Variants in NELL2 observed in about 807,000 individuals in gnomAD.
NELL2 encodes the protein protein kinase C-binding protein NELL2.
A neutral mutation model predicts 109.6 loss-of-function variants in NELL2; 41 were observed. The ratio of observed to expected loss-of-function variants is 0.37; its 90% confidence interval spans 0.29 to 0.49. The LOEUF (loss-of-function observed/expected upper bound fraction) is 0.49, where lower values mean the gene tolerates loss of function less well. NELL2 is among the 20% of genes least tolerant of loss of function. NELL2 has a pLI of 0.98. For missense variants in NELL2, 900 were observed against 1,008.3 expected, an observed-to-expected ratio of 0.89 and a Z score of 1.45; for synonymous variants, 355 against 344.7, an observed-to-expected ratio of 1.03 and a Z score of -0.33.
intron 15 of NELL2, among the ~76,000 whole-genome samples, chr12:44,548,603 C>T (rs1033858800): frequency 6.6e-6 from 1 of 151,526 alleles, no homozygotes; most frequent in African/African-American, 2.4e-5. Context: ...AGGAGAGAGG[C>T]CTGAAAGCTA....
chr12:44,522,650 T>C (rs1941590931), intron 17 of NELL2: 1 of 152,922 alleles, frequency 6.5e-6, no homozygotes, highest in Admixed American at 6.5e-5. Flanking sequence ...TTTATGACAG[T>C]TGGGTTCTTG....
intron 12 of NELL2, among the ~76,000 whole-genome samples, chr12:44,670,554 T>A (rs750914486): frequency 7.8e-6 from 1 of 128,772 alleles, no homozygotes; most frequent in Non-Finnish European, 1.8e-5. Flanking sequence ...AAGATGCAAG[T>A]ACAAGAAACC....
chr12:44,563,680 T>G (rs986254431), intron 15 of NELL2, among the ~76,000 whole-genome samples: 1 of 152,208 alleles, frequency 6.6e-6, no homozygotes, highest in African/African-American at 2.4e-5. Flanking sequence ...TGAAAGAATC[T>G]TCTAGTGCCC....
chr12:44,566,634 T>C (rs1339588194), intron 15 of NELL2, among the ~76,000 whole-genome samples: 1 of 152,140 alleles, frequency 6.6e-6, no homozygotes, highest in Non-Finnish European at 1.5e-5. Context: ...GGCTGACCTG[T>C]AGCTGTAATC....
intron 1 of NELL2, among the ~76,000 whole-genome samples, chr12:44,887,685 G>A (rs1945490147): frequency 6.6e-6 from 1 of 151,196 alleles, no homozygotes; most frequent in South Asian, 2.1e-4. Flanking sequence ...TTTTGTTGTT[G>A]TTGTTTTGCT....
At chr12:44,525,828 G>A (rs1339691298) in intron 16 of NELL2, among the ~76,000 whole-genome samples, 2 of 152,090 alleles carry the variant, frequency 1.3e-5, no homozygotes, top group South Asian at 2.1e-4. Flanking sequence ...CTATCACACT[G>A]GTAGCTCTTC....
rs147924512 is a variant in NELL2, at chr12:44,808,606, A to G, written c.335+7380T>C. Among the ~76,000 whole-genome samples, 16 of 152,126 alleles carry G rather than the reference A, an allele frequency of 1.1e-4. 2 individuals carry two copies. Among genetic ancestry groups the G allele is most frequent in the African/African-American group, 3.4e-4 (14 of 41,534 alleles). Reference sequence around the variant, plus strand: ...ATCTTTAAAGTTATTTATTAAATAAAGTGCAAGCAGAAAGTAATGAGTTTA... The same window carrying G: ...ATCTTTAAAGTTATTTATTAAATAAGGTGCAAGCAGAAAGTAATGAGTTTA... On this transcript the variant is annotated intron_variant, in intron 3 of 19. Coordinates refer to ENST00000429094, the MANE Select transcript of NELL2 (RefSeq NM_001145108.2).
intron 1 of NELL2, among the ~76,000 whole-genome samples, chr12:44,896,978 C>T (rs1446418453): frequency 5.3e-5 from 8 of 152,130 alleles, no homozygotes; most frequent in Non-Finnish European, 1.0e-4. Flanking sequence ...GTGACTTAAT[C>T]GAAGGGGAAC....
chr12:44,644,604 G>GTATATATA (rs1555190872), intron 13 of NELL2, among the ~76,000 whole-genome samples: 2,419 of 80,332 alleles, frequency 0.03, 39 homozygotes, highest in Admixed American at 0.067. Context: ...ATATATATAT[G>GTATATATA]TATGTATATA....
intron 11 of NELL2, among the ~76,000 whole-genome samples, chr12:44,706,599 T>C (rs1353786075): frequency 6.6e-6 from 1 of 152,220 alleles, no homozygotes; most frequent in Non-Finnish European, 1.5e-5. Flanking sequence ...TAAAAATTAG[T>C]ATAATAACTA....
At chr12:44,541,250 C>CAAAAAAAA (rs3071951) in intron 15 of NELL2, among the ~76,000 whole-genome samples, 5 of 78,874 alleles carry the variant, frequency 6.3e-5, no homozygotes, top group East Asian at 3.7e-4. Context: ...GACTCCATCT[C>CAAAAAAAA]AAAAAAAAAA....
chr12:44,651,889 C>T (rs1947313339), intron 13 of NELL2, among the ~76,000 whole-genome samples: 1 of 152,126 alleles, frequency 6.6e-6, no homozygotes, highest in African/African-American at 2.4e-5. Context: ...AGACCTTCTT[C>T]TAAGAAGGCT....
chr12:44,640,978 T>A (rs1005723945), intron 13 of NELL2, among the ~76,000 whole-genome samples: 3 of 152,270 alleles, frequency 2.0e-5, no homozygotes, highest in South Asian at 2.1e-4. Flanking sequence ...TCCACAGATC[T>A]CAGATCCTAT....
At chr12:44,710,990 T>A (rs1217835861) in intron 11 of NELL2, among the ~76,000 whole-genome samples, 1 of 152,116 alleles carries the variant, frequency 6.6e-6, no homozygotes, top group African/African-American at 2.4e-5. Context: ...TTGTGTAACT[T>A]TCTTTAGCAA....
intron 13 of NELL2, among the ~76,000 whole-genome samples, chr12:44,657,316 G>T (rs779289452): frequency 2.0e-5 from 3 of 152,120 alleles, no homozygotes. Flanking sequence ...GAGAGAGAAA[G>T]AAAAGAGAGA....
At chr12:44,659,015 G>A (rs1947628894) in intron 13 of NELL2, among the ~76,000 whole-genome samples, 2 of 151,890 alleles carry the variant, frequency 1.3e-5, no homozygotes, top group South Asian at 4.2e-4. Flanking sequence ...ATAGACCAAT[G>A]GAACAGAACA....
chr12:44,876,097 G>A lies in NELL2; in HGVS notation c.-228C>T, dbSNP rs1945311860. On this transcript the variant is annotated 5_prime_UTR_variant, in exon 1 of 20. Coordinates refer to ENST00000429094, the MANE Select transcript of NELL2 (RefSeq NM_001145108.2). ...ATGCGCACATCATTCCCACACGCAG[G>A]GCCGAGGCGGCAGCGCGGCCCGGAG... 3.7e-6 allele frequency: 5 copies of A among 1,337,804 alleles called. No homozygotes were observed. Among genetic ancestry groups the A allele is most frequent in the Non-Finnish European group, 4.8e-6 (5 of 1,045,310 alleles). The allele number at this position is 1,337,804 out of a possible 1,614,324, so 82.9% of individuals were successfully genotyped here.
intron 2 of NELL2, among the ~76,000 whole-genome samples, chr12:44,862,608 T>C (rs1436938524): frequency 6.6e-6 from 1 of 152,246 alleles, no homozygotes; most frequent in African/African-American, 2.4e-5. Context: ...TCAAAAAGCA[T>C]GTTTATGCAA....
At chr12:44,906,721 G>A (rs1261152781) in intron 1 of NELL2, among the ~76,000 whole-genome samples, 3 of 152,050 alleles carry the variant, frequency 2.0e-5, no homozygotes, top group Admixed American at 6.6e-5. Flanking sequence ...GAGAAAGGAA[G>A]CAGTAATCAG....
Sources: gnomAD v4.1 joint callset for allele counts (sites outside exome capture counted in the v4.1 genomes callset) on GRCh38, gnomAD v4.1.1 for gene constraint, MANE v1.5 for transcripts, NCBI Gene and HGNC (gene_info 2026-07-23, HGNC 2026-07-21) for gene names.